SOX5: variants seen among roughly 807,000 people sequenced by gnomAD.
The protein encoded by SOX5 is transcription factor SOX-5.
A neutral mutation model predicts 92.0 loss-of-function variants in SOX5; 9 were observed. That is an observed-to-expected ratio of 0.10 (90% confidence interval 0.06 to 0.17). The LOEUF is 0.17. Ranked by LOEUF, SOX5 falls within the 10% of genes least tolerant of loss-of-function variation. The probability of loss-of-function intolerance (pLI) is 1.00; values close to 1 mark genes in which losing one functional copy is unlikely to be tolerated. For missense variants in SOX5, 642 were observed against 944.5 expected (o/e 0.68, Z 4.20); for synonymous variants, 344 against 336.3 (o/e 1.02, Z -0.25).
intron 3 of SOX5, among the ~76,000 whole-genome samples, chr12:23,831,351 A>T (rs867638047): frequency 2.0e-5 from 3 of 152,266 alleles, no homozygotes; most frequent in Middle Eastern, 6.8e-3. Flanking sequence ...AATAAACATA[A>T]AACTGTCCAA....
chr12:24,390,492 A>G (rs1173394600), intron 1 of SOX5, among the ~76,000 whole-genome samples: 4 of 152,162 alleles, frequency 2.6e-5, no homozygotes, highest in African/African-American at 9.7e-5. Flanking sequence ...GATATATTGC[A>G]TAGTGATGAA....
intron 4 of SOX5, among the ~76,000 whole-genome samples, chr12:24,069,764 C>T (rs1941471307): frequency 6.6e-6 from 1 of 152,178 alleles, no homozygotes; most frequent in African/African-American, 2.4e-5. Flanking sequence ...GATTTCATAA[C>T]ACGAGAGACA....
intron 4 of SOX5, among the ~76,000 whole-genome samples, chr12:24,130,809 A>T (rs1949573102): frequency 6.6e-6 from 1 of 152,116 alleles, no homozygotes. Flanking sequence ...TATTGGTGCA[A>T]CTCATGGCTT....
rs187460747 is a variant in SOX5, at chr12:23,610,380, T to C, written c.1018-5847A>G. Reference sequence around the variant, plus strand: ...TCTGGAGTATTTGGATTCAGTGCATTAGGCACTGACAAAAATATCTATCAA... The same window carrying C: ...TCTGGAGTATTTGGATTCAGTGCATCAGGCACTGACAAAAATATCTATCAA... On this transcript the variant is annotated intron_variant, in intron 8 of 14. Transcript: ENST00000451604. Among the ~76,000 whole-genome samples the C allele has an allele frequency of 2.5e-3, 388 of 152,266 alleles. 1 individual carries two copies. Among genetic ancestry groups the C allele is most frequent in the Non-Finnish European group, 4.0e-3 (273 of 68,016 alleles).
At chr12:24,046,922 C>G (rs1354601248) in intron 4 of SOX5, among the ~76,000 whole-genome samples, 1 of 151,878 alleles carries the variant, frequency 6.6e-6, no homozygotes, top group East Asian at 1.9e-4. Context: ...CCTGACCTCA[C>G]GTGATCCACC....
At chr12:24,325,671 G>A (rs1012244787) in intron 2 of SOX5, among the ~76,000 whole-genome samples, 1 of 152,198 alleles carries the variant, frequency 6.6e-6, no homozygotes, top group Admixed American at 6.5e-5. Flanking sequence ...TAGTGGAAAA[G>A]ACATGTTTTA....
chr12:23,818,992 GCCTGAGGTTGTTTTACAGT>G (rs1234879723), intron 3 of SOX5, among the ~76,000 whole-genome samples: 23 of 152,092 alleles, frequency 1.5e-4, no homozygotes, highest in Non-Finnish European at 2.9e-5. Flanking sequence ...TGAAAAATAT[GCCTGAGGTTGTTTTACAGT>G]CACCTTGTTT....
At chr12:23,569,942 C>A (rs866631398) in intron 10 of SOX5, among the ~76,000 whole-genome samples, 1 of 152,140 alleles carries the variant, frequency 6.6e-6, no homozygotes, top group South Asian at 2.1e-4. Context: ...ATTCCTTTGG[C>A]CCAGGGCAGG....
chr12:24,002,148 AAAG>A (rs2136383789), intron 4 of SOX5, among the ~76,000 whole-genome samples: 1 of 152,236 alleles, frequency 6.6e-6, no homozygotes, highest in African/African-American at 2.4e-5. Flanking sequence ...TTTAGAAAGA[AAAG>A]AAGAAAATCA....
chr12:24,201,944 A>G (rs951193949), intron 4 of SOX5, among the ~76,000 whole-genome samples: 1 of 152,218 alleles, frequency 6.6e-6, no homozygotes, highest in South Asian at 2.1e-4. Flanking sequence ...CATCTACCAG[A>G]ATACACTTGG....
chr12:24,145,940 G>A (rs1327914374), intron 4 of SOX5, among the ~76,000 whole-genome samples: 1 of 152,146 alleles, frequency 6.6e-6, no homozygotes, highest in African/African-American at 2.4e-5. Context: ...AGAGGACATA[G>A]CAAGCTTAAA....
chr12:24,102,454 G>T (rs771228783), intron 4 of SOX5, among the ~76,000 whole-genome samples: 9 of 152,140 alleles, frequency 5.9e-5, no homozygotes, highest in Non-Finnish European at 1.2e-4. Flanking sequence ...TATTAGCAAA[G>T]GTGCTTTTAA....
At chr12:23,757,037 T>C (rs954238061) in intron 3 of SOX5, among the ~76,000 whole-genome samples, 1 of 151,902 alleles carries the variant, frequency 6.6e-6, no homozygotes, top group Non-Finnish European at 1.5e-5. Flanking sequence ...AAAGTAACAA[T>C]ATGGAACACT....
Position 23,902,185 on chromosome 12 carries a change from G to T in SOX5, c.39-6161C>A, listed in dbSNP as rs190497129. Among the ~76,000 whole-genome samples the T allele has an allele frequency of 4.6e-5, 7 of 152,080 alleles. No homozygotes were observed. In the East Asian group the frequency reaches 1.4e-3, roughly 29 times the overall value. The stretch of plus-strand genomic sequence containing the variant: ...AAAAACTTTTAGGAAATGTTCTTTG[G>T]TACAATTATTCTGGAAAATGACATG... On this transcript the variant is annotated intron_variant, in intron 1 of 14. Coordinates refer to ENST00000451604, the MANE Select transcript of SOX5 (RefSeq NM_006940.6).
At chr12:23,630,917 C>T (rs576647372) in intron 8 of SOX5, among the ~76,000 whole-genome samples, 1 of 152,056 alleles carries the variant, frequency 6.6e-6, no homozygotes, top group Admixed American at 6.6e-5. Flanking sequence ...TTGCTTTCAT[C>T]ATTTTATCTT....
chr12:24,292,919 G>C (rs576011338), intron 2 of SOX5, among the ~76,000 whole-genome samples: 1 of 152,256 alleles, frequency 6.6e-6, no homozygotes, highest in Admixed American at 6.5e-5. Flanking sequence ...CTAAAACCTG[G>C]TGTTATACTC....
chr12:23,925,687 A>G (rs1466108991), intron 1 of SOX5, among the ~76,000 whole-genome samples: 1 of 152,072 alleles, frequency 6.6e-6, no homozygotes, highest in Non-Finnish European at 1.5e-5. Context: ...GATTTTAGCA[A>G]AGGAAATATG....
intron 4 of SOX5, among the ~76,000 whole-genome samples, chr12:23,743,618 G>T (rs1044944159): frequency 3.9e-5 from 6 of 152,018 alleles, no homozygotes; most frequent in Non-Finnish European, 8.8e-5. Flanking sequence ...TTCCACAATG[G>T]TTATTATTAC....
Position 23,534,250 on chromosome 12 carries a change from C to T in SOX5, c.2261G>A (p.Ser754Asn), listed in dbSNP as rs1396416818. ...GGCTTGTCCTGCAATATGGTTTTCA[C>T]TGTCACTCCCATAATCTACATCTGG... ...DDPDVDYGSD[S>N]ENHIAGQAN is the part of the protein sequence containing the mutation. The change falls in exon 15 of 15, where the codon AGT becomes AAT. Residue 754 changes from serine (S) to asparagine (N), a missense_variant. Physicochemically the swap from Ser to Asn is conservative, Grantham distance 46. This residue lies in a region of SOX5 where 130 missense variants were observed against 140.6 expected (regional missense o/e 0.92). Coordinates refer to ENST00000451604, the MANE Select transcript of SOX5 (RefSeq NM_006940.6). The T allele has an allele frequency of 1.8e-5, 29 of 1,614,046 alleles. No homozygotes were observed. Among genetic ancestry groups the T allele is most frequent in the Non-Finnish European group, 2.3e-5 (27 of 1,179,994 alleles).
Sources: gnomAD v4.1 joint callset for allele counts (sites outside exome capture counted in the v4.1 genomes callset) on GRCh38, gnomAD v4.1.1 for gene constraint, gnomAD v4.1.1 regional missense constraint, MANE v1.5 for transcripts, NCBI Gene and HGNC (gene_info 2026-07-23, HGNC 2026-07-21) for gene names.